MCTP1: variants seen among roughly 807,000 people sequenced by gnomAD.
The protein encoded by MCTP1 is multiple C2 and transmembrane domain-containing protein 1.
In MCTP1, 69 loss-of-function variants were observed where a neutral mutation model predicts 120.6. The observed-to-expected ratio is 0.57, with a 90% CI of 0.47 to 0.70. The LOEUF (loss-of-function observed/expected upper bound fraction) is 0.70, where lower values mean the gene tolerates loss of function less well. Among genes scored for constraint, MCTP1 ranks in the 30% least tolerant of loss-of-function variants. MCTP1 has a pLI of 0.00. For synonymous variants in MCTP1, 529 were observed against 493.1 expected (o/e 1.07, Z -0.96); for missense variants, 1,203 against 1,248.8 (o/e 0.96, Z 0.55).
chr5:94,769,963 T>C (rs1773684251), intron 19 of MCTP1, among the ~76,000 whole-genome samples: 1 of 152,228 alleles, frequency 6.6e-6, no homozygotes. Flanking sequence ...TGAAAGTAGA[T>C]ACCTCTATTT....
At chr5:94,908,243 A>T (rs1029569468) in intron 10 of MCTP1, among the ~76,000 whole-genome samples, 1 of 152,070 alleles carries the variant, frequency 6.6e-6, no homozygotes. Context: ...AATGTAATGT[A>T]GTATTAGATT....
At chr5:94,915,848 A>C (rs898209835) in intron 8 of MCTP1, among the ~76,000 whole-genome samples, 5 of 152,180 alleles carry the variant, frequency 3.3e-5, no homozygotes, top group Non-Finnish European at 4.4e-5. Context: ...AACATAATAG[A>C]GACTTTACCT....
At chr5:94,860,887 A>T (rs943669140) in intron 17 of MCTP1, among the ~76,000 whole-genome samples, 1 of 148,510 alleles carries the variant, frequency 6.7e-6, no homozygotes, top group African/African-American at 2.5e-5. Context: ...GAAAAAAAAA[A>T]TATAGAGAAA....
At chr5:95,162,825 T>G (rs1022543996) in intron 1 of MCTP1, among the ~76,000 whole-genome samples, 3 of 152,200 alleles carry the variant, frequency 2.0e-5, no homozygotes, top group Non-Finnish European at 4.4e-5. Context: ...CCTCAGGATT[T>G]ACATATAAAC....
intron 18 of MCTP1, among the ~76,000 whole-genome samples, chr5:94,780,759 G>A (rs1186437214): frequency 6.6e-6 from 1 of 152,110 alleles, no homozygotes; most frequent in Non-Finnish European, 1.5e-5. Context: ...GGCACATAGT[G>A]CTAGGTAATG....
chr5:95,206,628 G>A (rs1053345877), intron 1 of MCTP1, among the ~76,000 whole-genome samples: 2 of 152,006 alleles, frequency 1.3e-5, no homozygotes, highest in East Asian at 1.9e-4. Context: ...TCCGCCTCTC[G>A]GATTCAAGCA....
rs959955886 is a variant in MCTP1 at position 94,870,284 on chromosome 5, T to C, written c.2316+133A>G. The C allele has an allele frequency of 1.7e-5, 10 of 592,426 alleles. No individual in the cohort carries two copies. The Admixed American group carries it at 2.2e-4, about 13-fold the overall frequency. The allele number at this position is 592,426 out of a possible 1,614,324, so 36.7% of individuals were successfully genotyped here. On this transcript the variant is annotated intron_variant, in intron 16 of 22. Transcript: ENST00000515393. ...TCAGAAAGAATGAAAGAAAGCGCCA[T>C]TTTCAATAAGTAGATGATCAAAAAT...
intron 1 of MCTP1, among the ~76,000 whole-genome samples, chr5:95,096,988 A>T (rs1467540555): frequency 6.6e-6 from 1 of 152,190 alleles, no homozygotes; most frequent in Non-Finnish European, 1.5e-5. Context: ...GTTTAAATAC[A>T]TTACTCACTG....
chr5:95,189,146 C>T (rs1279031298), intron 1 of MCTP1, among the ~76,000 whole-genome samples: 1 of 152,032 alleles, frequency 6.6e-6, no homozygotes, highest in East Asian at 1.9e-4. Flanking sequence ...TAGAAATGAA[C>T]AAATTGTTCA....
At chr5:95,270,707 A>T (rs1759306974) in intron 1 of MCTP1, among the ~76,000 whole-genome samples, 1 of 152,164 alleles carries the variant, frequency 6.6e-6, no homozygotes, top group South Asian at 2.1e-4. Context: ...AGGTGGGTGG[A>T]TCACTTGAGG....
chr5:94,827,047 C>T (rs1787297740), intron 17 of MCTP1, among the ~76,000 whole-genome samples: 1 of 152,008 alleles, frequency 6.6e-6, no homozygotes, highest in Admixed American at 6.6e-5. Context: ...TTAGCTGATA[C>T]AGTTTCCTTA....
intron 2 of MCTP1, among the ~76,000 whole-genome samples, chr5:94,977,058 C>T (rs1828278444): frequency 6.6e-6 from 1 of 152,086 alleles, no homozygotes; most frequent in Admixed American, 6.6e-5. Flanking sequence ...ATGATGTCAT[C>T]TTACACATAA....
At chr5:95,212,581 T>C (rs201760317) in intron 1 of MCTP1, among the ~76,000 whole-genome samples, 1 of 152,024 alleles carries the variant, frequency 6.6e-6, no homozygotes, top group Non-Finnish European at 1.5e-5. Flanking sequence ...TTTAGACCAA[T>C]ATCCTTGATG....
chr5:95,248,208 G>C (rs563995585), intron 1 of MCTP1, among the ~76,000 whole-genome samples: 1 of 152,102 alleles, frequency 6.6e-6, no homozygotes, highest in African/African-American at 2.4e-5. Context: ...AAGGGTATTC[G>C]ACTAGGAAAA....
chr5:95,067,278 G>A (rs1750920371), intron 1 of MCTP1, among the ~76,000 whole-genome samples: 1 of 151,948 alleles, frequency 6.6e-6, no homozygotes, highest in Non-Finnish European at 1.5e-5. Context: ...CGAAAGGAGG[G>A]GATTTTGAAT....
At chr5:94,899,788 A>C (rs984123530) in intron 10 of MCTP1, among the ~76,000 whole-genome samples, 1 of 152,206 alleles carries the variant, frequency 6.6e-6, no homozygotes, top group Non-Finnish European at 1.5e-5. Context: ...GAAATACCAG[A>C]AACAGTGACC....
chr5:95,243,688 C>A (rs10515223), intron 1 of MCTP1, among the ~76,000 whole-genome samples: 21,901 of 152,012 alleles, frequency 0.14, 1,790 homozygotes, highest in Non-Finnish European at 0.19. Context: ...CTCGAGATGA[C>A]AGGGACTGAA....
chr5:94,907,945 A>G (rs1807358637), intron 10 of MCTP1, among the ~76,000 whole-genome samples: 1 of 152,110 alleles, frequency 6.6e-6, no homozygotes, highest in African/African-American at 2.4e-5. Context: ...ACACATGCCC[A>G]TCATTCTGAT....
intron 18 of MCTP1, among the ~76,000 whole-genome samples, chr5:94,798,239 A>G (rs1036325509): frequency 6.6e-6 from 1 of 152,098 alleles, no homozygotes; most frequent in Non-Finnish European, 1.5e-5. Flanking sequence ...CCCCTCATTT[A>G]TTTACATGTG....
Sources: allele counts gnomAD v4.1 joint callset (sites outside exome capture counted in the v4.1 genomes callset), GRCh38; gene constraint gnomAD v4.1.1; transcripts MANE v1.5; gene names NCBI Gene and HGNC (gene_info 2026-07-23, HGNC 2026-07-21).